RYR3: variants seen among roughly 807,000 people sequenced by gnomAD.
RYR3 encodes the protein ryanodine receptor 3.
RYR3 carries 207 observed loss-of-function variants against 584.3 expected under a neutral mutation model. That is an observed-to-expected ratio of 0.35 (90% CI 0.32 to 0.40). The LOEUF is 0.40. RYR3 is among the 10% of genes least tolerant of loss of function. RYR3 has a pLI of 1.00. For synonymous variants in RYR3, 2,416 were observed against 2,248.5 expected (o/e 1.07, Z -2.11); for missense variants, 5,616 against 6,089.2 (o/e 0.92, Z 2.59).
intron 1 of RYR3, among the ~76,000 whole-genome samples, chr15:33,429,841 T>C (rs1327736745): frequency 6.6e-6 from 1 of 152,230 alleles, no homozygotes; most frequent in African/African-American, 2.4e-5. Flanking sequence ...TTAAATATTG[T>C]ATGACATAAA....
chr15:33,810,199 T>C (rs1381885519), intron 70 of RYR3, among the ~76,000 whole-genome samples: 1 of 152,252 alleles, frequency 6.6e-6, no homozygotes, highest in East Asian at 1.9e-4. Flanking sequence ...AGTTTACTTG[T>C]TCAGTCCGGA....
chr15:33,416,569 T>G (rs1175027060), intron 1 of RYR3, among the ~76,000 whole-genome samples: 2 of 152,210 alleles, frequency 1.3e-5, no homozygotes, highest in Non-Finnish European at 2.9e-5. Flanking sequence ...TTAAGCTCCT[T>G]ATAGATTCTG....
At chr15:33,675,153 T>C (rs946974600) in intron 38 of RYR3, among the ~76,000 whole-genome samples, 3 of 152,236 alleles carry the variant, frequency 2.0e-5, no homozygotes, top group Admixed American at 2.0e-4. Context: ...GTTATGCCCA[T>C]GTATTTTGTA....
chr15:33,731,708 C>CT lies in RYR3; in HGVS notation c.7424+15dup. On this transcript the variant is annotated intron_variant, in intron 48 of 103. Coordinates refer to ENST00000634891, the MANE Select transcript of RYR3 (RefSeq NM_001036.6). ...TGCCATTTGCAAGTAAGTACATATC[C>CT]TATGTTGTTACTTCTGTGTATGCAT... 6.5e-7 allele frequency: 1 copy of CT among 1,539,140 alleles called. No individual in the cohort carries two copies. The highest frequency in any genetic ancestry group is 9.0e-7 in the Non-Finnish European group (1 of 1,114,494).
intron 31 of RYR3, among the ~76,000 whole-genome samples, chr15:33,650,333 C>T (rs1004809829): frequency 2.6e-5 from 4 of 151,978 alleles, no homozygotes; most frequent in East Asian, 3.9e-4. Context: ...GCCGAGATGG[C>T]GCCACTGCAC....
chr15:33,336,822 G>A (rs1054386796), intron 1 of RYR3, among the ~76,000 whole-genome samples: 1 of 151,542 alleles, frequency 6.6e-6, no homozygotes, highest in African/African-American at 2.4e-5. Context: ...TTGGGAGGCT[G>A]AGGCGGGCGG....
intron 1 of RYR3, chr15:33,465,703 G>A (rs764645760): frequency 3.9e-6 from 2 of 518,898 alleles, no homozygotes; most frequent in African/African-American, 1.9e-5. Context: ...CAAGTTTGGA[G>A]GTGATTACAA....
At chr15:33,805,725 C>A (rs1412458322) in intron 69 of RYR3, among the ~76,000 whole-genome samples, 1 of 151,232 alleles carries the variant, frequency 6.6e-6, no homozygotes, top group African/African-American at 2.4e-5. Context: ...GATCCGCCCG[C>A]CTCGGCCTCC....
chr15:33,446,394 C>G (rs1384342689), intron 1 of RYR3, among the ~76,000 whole-genome samples: 1 of 152,118 alleles, frequency 6.6e-6, no homozygotes, highest in Admixed American at 6.5e-5. Flanking sequence ...CTAGAGCTGC[C>G]ACAATAAAGT....
chr15:33,491,660 T>G (rs1176531990), intron 2 of RYR3, among the ~76,000 whole-genome samples: 1 of 152,186 alleles, frequency 6.6e-6, no homozygotes, highest in Admixed American at 6.5e-5. Context: ...TCATTGTTGA[T>G]GCAGAACCTC....
At chr15:33,828,735 G>T (rs1019221505) in intron 85 of RYR3, among the ~76,000 whole-genome samples, 6 of 152,234 alleles carry the variant, frequency 3.9e-5, no homozygotes, top group African/African-American at 1.4e-4. Flanking sequence ...TTTAGGGAAA[G>T]AAGTCATCTC....
intron 96 of RYR3, 116 bp downstream of exon 96, chr15:33,853,798 G>C (rs1392004245): frequency 7.3e-7 from 1 of 1,365,174 alleles, no homozygotes; most frequent in Admixed American, 2.5e-5. Context: ...TCTGGCTTAG[G>C]TGTTTCTTCT....
intron 34 of RYR3, among the ~76,000 whole-genome samples, chr15:33,661,082 G>T (rs2063131960): frequency 6.6e-6 from 1 of 152,168 alleles, no homozygotes; most frequent in Non-Finnish European, 1.5e-5. Flanking sequence ...CACCTGCATA[G>T]GTCCCATTTA....
At chr15:33,832,574 T>C (rs1384165263) in intron 86 of RYR3, among the ~76,000 whole-genome samples, 1 of 151,326 alleles carries the variant, frequency 6.6e-6, no homozygotes, top group Non-Finnish European at 1.5e-5. Context: ...GGAGAATTGC[T>C]TGAACCTGGG....
rs372131593 is a variant in RYR3, at chr15:33,630,757, T to C, written c.2784-453T>C. Among the ~76,000 whole-genome samples, 9 of 152,360 alleles carry C rather than the reference T, an allele frequency of 5.9e-5. No individual in the cohort carries two copies. In the East Asian group the frequency reaches 1.5e-3, roughly 26 times the overall value. ...ACCTGTGGGCTGGATATTAGAATTC[T>C]ATCTGTTCCATGGAATTCGAAGAGG... is the stretch of plus-strand genomic sequence containing the variant. On this transcript the variant is annotated intron_variant, in intron 22 of 103. Coordinates refer to ENST00000634891, the MANE Select transcript of RYR3 (RefSeq NM_001036.6).
intron 67 of RYR3, among the ~76,000 whole-genome samples, chr15:33,796,014 G>C (rs1422359862): frequency 6.6e-6 from 1 of 152,162 alleles, no homozygotes; most frequent in Non-Finnish European, 1.5e-5. Context: ...GGTCCTCTAG[G>C]GGAGGCTTTG....
At chr15:33,861,929 T>C (rs1431831290) in intron 102 of RYR3, among the ~76,000 whole-genome samples, 1 of 152,168 alleles carries the variant, frequency 6.6e-6, no homozygotes, top group Non-Finnish European at 1.5e-5. Flanking sequence ...AGCCTCATAC[T>C]GCTTTATCCC....
intron 1 of RYR3, among the ~76,000 whole-genome samples, chr15:33,453,443 T>C (rs2047297970): frequency 1.3e-5 from 2 of 152,214 alleles, no homozygotes; most frequent in Non-Finnish European, 2.9e-5. Flanking sequence ...AAACAACATT[T>C]GCTTCCATGA....
intron 1 of RYR3, among the ~76,000 whole-genome samples, chr15:33,424,307 C>G (rs1345642335): frequency 6.6e-6 from 1 of 152,182 alleles, no homozygotes; most frequent in Non-Finnish European, 1.5e-5. Context: ...CAAGACAGGT[C>G]AAGCCCTTAG....
Sources: gnomAD v4.1 joint callset for allele counts (sites outside exome capture counted in the v4.1 genomes callset) on GRCh38, gnomAD v4.1.1 for gene constraint, MANE v1.5 for transcripts, NCBI Gene and HGNC (gene_info 2026-07-23, HGNC 2026-07-21) for gene names.